The following C2orf49 variants were observed in gnomAD, a reference collection of about 807,000 sequenced individuals.
C2orf49 encodes the protein tRNA splicing ligase complex subunit 2, also known as tRNA-splicing ligase complex subunit ASW.
In C2orf49, 11 loss-of-function variants were observed where a neutral mutation model predicts 20.6. The observed-to-expected ratio is 0.53, with a 90% CI of 0.34 to 0.88. C2orf49 has a LOEUF of 0.88. Among genes scored for constraint, C2orf49 ranks in the 40% least tolerant of loss-of-function variants. The probability of loss-of-function intolerance (pLI) is 0.02; values close to 1 mark genes in which losing one functional copy is unlikely to be tolerated. For synonymous variants in C2orf49, 134 were observed against 108.5 expected, an observed-to-expected ratio of 1.24 and a Z score of -1.46; for missense variants, 289 against 274.2, an observed-to-expected ratio of 1.05 and a Z score of -0.38.
At chr2:105,341,823 G>A (rs1406628254) in intron 2 of C2orf49, among the ~76,000 whole-genome samples, 3 of 152,166 alleles carry the variant, frequency 2.0e-5, no homozygotes, top group Non-Finnish European at 4.4e-5. Context: ...GAGTGGCAGG[G>A]CTAAAATGTT....
the C2orf49 span, among the ~76,000 whole-genome samples, chr2:105,370,067 T>C: frequency 9.2e-5 from 14 of 152,304 alleles, no homozygotes; most frequent in Non-Finnish European, 2.1e-4. Flanking sequence ...AGGGATGTCT[T>C]AATCTGATTC....
chr2:105,338,956 G>C (rs1429580933), intron 1 of C2orf49, among the ~76,000 whole-genome samples: 4 of 152,232 alleles, frequency 2.6e-5, no homozygotes, highest in Non-Finnish European at 4.4e-5. Flanking sequence ...TGGTGATTTA[G>C]ATAGAGATGG....
At position 105,348,556 on chromosome 2, in the gene C2orf49, A is replaced by C. The variant is rs898833376; in HGVS notation, c.*3185A>C. The C allele has an allele frequency of 5.7e-5, 8 of 141,498 alleles. No homozygotes were observed. Among genetic ancestry groups the C allele is most frequent in the Admixed American group, 5.0e-4 (7 of 13,916 alleles). 8.8% of individuals were successfully genotyped at this position (141,498 alleles called of 1,614,324 possible). On this transcript the variant is annotated 3_prime_UTR_variant, in exon 4 of 4. Transcript: ENST00000258457. Reference sequence around the variant, plus strand: ...TATATATATATATATATATATATATATGTAAGAGCTTCCTCTATTTACTAC... The same window carrying C: ...TATATATATATATATATATATATATCTGTAAGAGCTTCCTCTATTTACTAC...
At chr2:105,361,813 T>C in the C2orf49 span, among the ~76,000 whole-genome samples, 3 of 152,178 alleles carry the variant, frequency 2.0e-5, no homozygotes, top group Non-Finnish European at 4.4e-5. Context: ...ACTTAATGAT[T>C]GAAGCAGTGA....
intron 2 of C2orf49, 108 bp downstream of exon 2, chr2:105,339,857 T>TA: frequency 2.0e-6 from 2 of 980,300 alleles, no homozygotes; most frequent in Non-Finnish European, 2.9e-6. Context: ...ATTTACTCAA[T>TA]GACTATCTAT....
At chr2:105,358,381 T>C in the C2orf49 span, 1 of 152,268 alleles carries the variant, frequency 6.6e-6, no homozygotes, top group Admixed American at 6.5e-5. Context: ...CCCCTCCCAA[T>C]GTGGAGCCTC....
the C2orf49 span, chr2:105,367,469 G>A: frequency 4.1e-6 from 5 of 1,219,008 alleles, no homozygotes; most frequent in Admixed American, 1.1e-4. Flanking sequence ...CGCCACTTAA[G>A]TATCACAGGT....
the C2orf49 span, chr2:105,373,785 A>G: frequency 6.3e-7 from 1 of 1,599,894 alleles, no homozygotes; most frequent in Non-Finnish European, 8.5e-7. Flanking sequence ...GAGGGCTTGG[A>G]CCCACAGCAT....
At chr2:105,383,788 AT>A in the C2orf49 span, among the ~76,000 whole-genome samples, 1 of 152,214 alleles carries the variant, frequency 6.6e-6, no homozygotes, top group African/African-American at 2.4e-5. Flanking sequence ...CTACCCGATT[AT>A]TTTTGAAAGT....
chr2:105,361,149 G>C, the C2orf49 span: 1 of 879,908 alleles, frequency 1.1e-6, no homozygotes, highest in Non-Finnish European at 1.8e-6. Context: ...AAGCAAACGT[G>C]AGTATCACTG....
intron 1 of C2orf49, among the ~76,000 whole-genome samples, chr2:105,338,579 G>T (rs1204755545): frequency 6.6e-6 from 1 of 152,120 alleles, no homozygotes; most frequent in Non-Finnish European, 1.5e-5. Flanking sequence ...AGCATGCTTT[G>T]ACCACCACTG....
chr2:105,378,249 C>A, the C2orf49 span: 1 of 463,062 alleles, frequency 2.2e-6, no homozygotes, highest in African/African-American at 2.0e-5. Flanking sequence ...TTCATTGACA[C>A]GTGACACTTG....
the C2orf49 span, among the ~76,000 whole-genome samples, chr2:105,377,031 G>A: frequency 6.6e-6 from 1 of 152,346 alleles, no homozygotes; most frequent in South Asian, 2.1e-4. Flanking sequence ...GGGAATGGGA[G>A]TGAGAATGTG....
chr2:105,377,268 G>A, the C2orf49 span, among the ~76,000 whole-genome samples: 5 of 152,308 alleles, frequency 3.3e-5, no homozygotes. Context: ...CTACTGAACA[G>A]TACTCTTAAC....
rs1350854158 is a variant in C2orf49 at position 105,347,908 on chromosome 2, G to A, written c.*2537G>A. On this transcript the variant is annotated 3_prime_UTR_variant, in exon 4 of 4. Coordinates refer to ENST00000258457, the MANE Select transcript of C2orf49 (RefSeq NM_024093.3). The stretch of plus-strand genomic sequence containing the variant: ...GTAAAGCCAGCTTTTCTTATTATTG[G>A]AGTAGGCAAATGAATGGCATTAGAA... 6.6e-6 allele frequency: 1 copy of A among 152,154 alleles called. No individual in the cohort carries two copies. The highest frequency in any genetic ancestry group is 1.5e-5 in the Non-Finnish European group (1 of 68,024). The allele number at this position is 152,154 out of a possible 1,614,324, so 9.4% of individuals were successfully genotyped here. A position where few individuals can be genotyped will look rare whatever the true frequency, so the allele number is the denominator to read the frequency against.
the C2orf49 span, among the ~76,000 whole-genome samples, chr2:105,382,205 T>G: frequency 6.6e-6 from 1 of 152,206 alleles, no homozygotes; most frequent in Non-Finnish European, 1.5e-5. Flanking sequence ...GTGAAACAAC[T>G]TGAGCCTCAA....
chr2:105,362,747 A>T, the C2orf49 span, among the ~76,000 whole-genome samples: 2 of 152,198 alleles, frequency 1.3e-5, no homozygotes, highest in South Asian at 4.1e-4. Context: ...TCTAGTCCAG[A>T]AGCCTGGTCT....
the C2orf49 span, among the ~76,000 whole-genome samples, chr2:105,380,046 T>C: frequency 6.6e-6 from 1 of 152,176 alleles, no homozygotes; most frequent in African/African-American, 2.4e-5. Flanking sequence ...TGTCACTGCT[T>C]CCTCCTGGAC....
chr2:105,356,142 C>T, the C2orf49 span, among the ~76,000 whole-genome samples: 1 of 152,080 alleles, frequency 6.6e-6, no homozygotes, highest in Non-Finnish European at 1.5e-5. Context: ...GTAATCCCAG[C>T]ACTTTTGGGA....
Sources: allele counts gnomAD v4.1 joint callset (sites outside exome capture counted in the v4.1 genomes callset), GRCh38; gene constraint gnomAD v4.1.1; transcripts MANE v1.5; gene names NCBI Gene and HGNC (gene_info 2026-07-23, HGNC 2026-07-21).